The following TGM4 variants were observed in gnomAD, a reference collection of about 807,000 sequenced individuals.
The protein encoded by TGM4 is protein-glutamine gamma-glutamyltransferase 4.
In TGM4, 61 loss-of-function variants were observed where a neutral mutation model predicts 76.3. The observed-to-expected ratio is 0.80, with a 90% CI of 0.65 to 0.99. The LOEUF is 0.99. Among genes scored for constraint, TGM4 ranks in the 50% least tolerant of loss-of-function variants. The probability of loss-of-function intolerance (pLI) is 0.00; values close to 1 mark genes in which losing one functional copy is unlikely to be tolerated. For synonymous variants in TGM4, 337 were observed against 329.8 expected (o/e 1.02, Z -0.24); for missense variants, 794 against 843.2 (o/e 0.94, Z 0.72).
At position 44,887,766 on chromosome 3, in the gene TGM4, G is replaced by A. The variant is rs201627085; in HGVS notation, c.271G>A (p.Ala91Thr). The change falls in exon 3 of 14, where the codon GCA (alanine) becomes ACA (threonine). Residue 91 changes from alanine to threonine, a missense_variant. By Grantham distance (58) the Ala-to-Thr change is moderately conservative. Transcript: ENST00000296125. ...RTPSDHYNWQ[A>T]TLQNESGKEV... ...GCCCTCAGACCACTACAACTGGCAG[G>A]CAACCCTTCAAAATGAGTCTGGCAA... The A allele has an allele frequency of 6.8e-6, 11 of 1,614,210 alleles. No individual in the cohort carries two copies. In the East Asian group the frequency reaches 2.2e-4, roughly 33 times the overall value.
chr3:44,903,324 C>T (rs750732122), intron 8 of TGM4, among the ~76,000 whole-genome samples: 1 of 152,152 alleles, frequency 6.6e-6, no homozygotes, highest in Non-Finnish European at 1.5e-5. Context: ...ACCAAGAGCA[C>T]CAACTTAAAA....
chr3:44,879,282 T>TATATAG, intron 1 of TGM4, among the ~76,000 whole-genome samples: 1 of 145,962 alleles, frequency 6.9e-6, no homozygotes, highest in Non-Finnish European at 1.5e-5. Context: ...TATATATATA[T>TATATAG]ATATAGTTTA....
Position 44,885,241 on chromosome 3 carries a change from T to C in TGM4, c.20-84T>C. On this transcript the variant is annotated intron_variant, in intron 1 of 13. Transcript: ENST00000296125. ...AAAGCCCAGCTCCACCTCAATGCACTCTCAGATTTTGAACCCAGAAAGAGG... is the reference window on the plus strand; with the variant it reads ...AAAGCCCAGCTCCACCTCAATGCACCCTCAGATTTTGAACCCAGAAAGAGG... The C allele has an allele frequency of 2.1e-6, 3 of 1,418,734 alleles. No homozygotes were observed. The South Asian group carries it at 4.2e-5, about 20-fold the overall frequency. The allele number at this position is 1,418,734 out of a possible 1,614,324, so 87.9% of individuals were successfully genotyped here. A position where few individuals can be genotyped will look rare whatever the true frequency, so the allele number is the denominator to read the frequency against.
In TGM4 at chr3:44,914,035, A is replaced by G; in HGVS notation, c.*310A>G. ...TCAAATCCATAGATTTCGAAGCCAC[A>G]GAGTCTCTCCCTGGAGCAGCAGACT... is the stretch of plus-strand genomic sequence containing the variant. On this transcript the variant is annotated 3_prime_UTR_variant, in exon 14 of 14. Coordinates refer to ENST00000296125, the MANE Select transcript of TGM4 (RefSeq NM_003241.4). 1 of 288,578 alleles carries G rather than the reference A, an allele frequency of 3.5e-6. No homozygotes were observed. Among genetic ancestry groups the G allele is most frequent in the Non-Finnish European group, 6.5e-6 (1 of 154,220 alleles). 17.9% of individuals were successfully genotyped at this position (288,578 alleles called of 1,614,324 possible). A position where few individuals can be genotyped will look rare whatever the true frequency, so the allele number is the denominator to read the frequency against.
At chr3:44,907,484 T>C (rs1219049279) in intron 10 of TGM4, among the ~76,000 whole-genome samples, 1 of 151,964 alleles carries the variant, frequency 6.6e-6, no homozygotes, top group Non-Finnish European at 1.5e-5. Flanking sequence ...CCCTGTCTCA[T>C]ACAAACAAAA....
chr3:44,904,639 A>G (rs1699899038), intron 9 of TGM4, among the ~76,000 whole-genome samples: 1 of 152,244 alleles, frequency 6.6e-6, no homozygotes, highest in Non-Finnish European at 1.5e-5. Flanking sequence ...TCAGCCCAGT[A>G]AAGGGAAAAT....
intron 5 of TGM4, among the ~76,000 whole-genome samples, chr3:44,894,673 A>T (rs1384612666): frequency 2.0e-5 from 3 of 150,962 alleles, no homozygotes; most frequent in African/African-American, 4.9e-5. Context: ...ACAACAAAAA[A>T]CTCCTGGGAA....
At chr3:44,913,338 T>C (rs1700031554) in intron 13 of TGM4, among the ~76,000 whole-genome samples, 1 of 152,194 alleles carries the variant, frequency 6.6e-6, no homozygotes, top group African/African-American at 2.4e-5. Flanking sequence ...CAGGGAAGAT[T>C]TGTGAAATGT....
chr3:44,909,469 G>GA (rs1403927255), intron 10 of TGM4, among the ~76,000 whole-genome samples: 1 of 152,186 alleles, frequency 6.6e-6, no homozygotes, highest in Non-Finnish European at 1.5e-5. Context: ...ATGCTCCAGG[G>GA]AAAAGGCTGT....
At chr3:44,879,305 A>T (rs1012259983) in intron 1 of TGM4, among the ~76,000 whole-genome samples, 13 of 131,328 alleles carry the variant, frequency 9.9e-5, no homozygotes, top group African/African-American at 1.1e-4. Context: ...TAATTTAATT[A>T]ATTTATTTAT....
chr3:44,909,957 C>G, intron 10 of TGM4, 133 bp from the exon 11 acceptor site: 1 of 930,476 alleles, frequency 1.1e-6, no homozygotes, highest in Non-Finnish European at 1.6e-6. Flanking sequence ...CTGTGTGAAT[C>G]TATAGCTCAT....
intron 6 of TGM4, among the ~76,000 whole-genome samples, chr3:44,898,859 C>G (rs1699816025): frequency 6.6e-6 from 1 of 152,148 alleles, no homozygotes; most frequent in Non-Finnish European, 1.5e-5. Context: ...CCCTTCACCC[C>G]CATGCTGGTA....
rs368078847 is a variant in TGM4 at position 44,891,010 on chromosome 3, G to A, written c.430+278G>A. Among the ~76,000 whole-genome samples, 19 of 152,298 alleles carry A rather than the reference G, an allele frequency of 1.2e-4. No individual in the cohort carries two copies. In the East Asian group the frequency reaches 1.7e-3, roughly 14 times the overall value. ...CCACCACTGTACAGAGGCTGCCTTC[G>A]TGGGGGTGGGGAGGGGCCACCAAGG... On this transcript the variant is annotated intron_variant, in intron 4 of 13. Transcript: ENST00000296125.
intron 4 of TGM4, among the ~76,000 whole-genome samples, chr3:44,891,261 G>A (rs893748327): frequency 1.3e-5 from 2 of 152,214 alleles, no homozygotes; most frequent in Non-Finnish European, 2.9e-5. Context: ...CCTCAAATGC[G>A]GCACATTCTA....
chr3:44,910,940 A>G lies in TGM4; in HGVS notation c.1607-18A>G. Reference sequence around the variant, plus strand: ...GTATGATGAATGACCTCTCCCCTCCACCCTGACTCTTTGGCAGTATCAGAA... The same window carrying G: ...GTATGATGAATGACCTCTCCCCTCCGCCCTGACTCTTTGGCAGTATCAGAA... On this transcript the variant is annotated intron_variant, in intron 11 of 13. Coordinates refer to ENST00000296125, the MANE Select transcript of TGM4 (RefSeq NM_003241.4). 4 of 1,612,044 alleles carry G rather than the reference A, an allele frequency of 2.5e-6. No individual in the cohort carries two copies. Among genetic ancestry groups the G allele is most frequent in the Non-Finnish European group, 3.4e-6 (4 of 1,178,348 alleles).
At chr3:44,881,293 T>C (rs1317111643) in intron 1 of TGM4, among the ~76,000 whole-genome samples, 1 of 152,220 alleles carries the variant, frequency 6.6e-6, no homozygotes, top group Non-Finnish European at 1.5e-5. Flanking sequence ...AAAAGGTCAG[T>C]CCCTTTCTGG....
At chr3:44,896,967 G>T in intron 6 of TGM4, 151 bp downstream of exon 6, 2 of 531,066 alleles carry the variant, frequency 3.8e-6, no homozygotes, top group Non-Finnish European at 6.6e-6. Context: ...AATAGACATT[G>T]CTGAAATCTG....
At chr3:44,889,170 TAAAAAA>T (rs546432543) in intron 3 of TGM4, 6,248 of 39,026 alleles carry the variant, frequency 0.16, 169 homozygotes, top group African/African-American at 0.17. Flanking sequence ...CCATCTCTAC[TAAAAAA>T]AAAAAAAAAA....
chr3:44,907,015 A>G lies in TGM4; in HGVS notation c.1142A>G (p.Asp381Gly). ...IRKGDIFIVYDTRFVFSEVNG... is the reference protein window; with the variant it reads ...IRKGDIFIVYGTRFVFSEVNG... ...AAAGGTGACATCTTTATTGTCTATG[A>G]CACCAGATTCGTCTTCTCAGAAGTG... Residue 381 changes from aspartate (D) to glycine (G), a missense_variant, in exon 10 of 14, where the codon GAC becomes GGC. By Grantham distance (94) the Asp-to-Gly change is moderately conservative. Coordinates refer to ENST00000296125, the MANE Select transcript of TGM4 (RefSeq NM_003241.4). 6.2e-7 allele frequency: 1 copy of G among 1,614,116 alleles called. No homozygotes were observed. The highest frequency in any genetic ancestry group is 8.5e-7 in the Non-Finnish European group (1 of 1,180,028).
Sources: allele counts gnomAD v4.1 joint callset (sites outside exome capture counted in the v4.1 genomes callset), GRCh38; gene constraint gnomAD v4.1.1; transcripts MANE v1.5; gene names NCBI Gene and HGNC (gene_info 2026-07-23, HGNC 2026-07-21).